UGT2B4: variants seen among roughly 807,000 people sequenced by gnomAD.
UGT2B4 encodes the protein UDP-glucuronosyltransferase 2B4.
A neutral mutation model predicts 49.8 loss-of-function variants in UGT2B4; 49 were observed. That is an observed-to-expected ratio of 0.98 (90% CI 0.78 to 1.25). The LOEUF (loss-of-function observed/expected upper bound fraction) is 1.25, where lower values mean the gene tolerates loss of function less well. UGT2B4 is among the 50% of genes most tolerant of loss of function. The pLI, the probability that UGT2B4 is intolerant of heterozygous loss-of-function variation, is 0.00. For missense variants in UGT2B4, 729 were observed against 627.7 expected (o/e 1.16, Z -1.73); for synonymous variants, 246 against 217.7 (o/e 1.13, Z -1.14).
rs1728147256 is a variant in UGT2B4, at chr4:69,495,849, A to G, written c.13T>C (p.Trp5Arg). The G allele has an allele frequency of 6.3e-7, 1 of 1,591,308 alleles. No homozygotes were observed. Among genetic ancestry groups the G allele is most frequent in the Non-Finnish European group, 8.5e-7 (1 of 1,172,086 alleles). Residue 5 changes from tryptophan (W) to arginine (R), a missense_variant, in exon 1 of 6, where the codon TGG becomes CGG. Coordinates refer to ENST00000305107, the MANE Select transcript of UGT2B4 (RefSeq NM_021139.3). Reference sequence around the variant, plus strand: ...TGTATCAGCAGAAGAGCTGAAGTCCATTTCATAGACATCCTGATGCAATGC... The same window carrying G: ...TGTATCAGCAGAAGAGCTGAAGTCCGTTTCATAGACATCCTGATGCAATGC... The part of the protein sequence containing the change: MSMK[W>R]TSALLLIQLS...
intron 1 of UGT2B4, among the ~76,000 whole-genome samples, chr4:69,509,722 T>A (rs1211129567): frequency 6.6e-6 from 1 of 152,334 alleles, no homozygotes; most frequent in East Asian, 1.9e-4. Context: ...TTTTTGTTAT[T>A]GTCACAGTTA....
intron 1 of UGT2B4, among the ~76,000 whole-genome samples, chr4:69,525,514 A>AT (rs937452909): frequency 1.3e-4 from 20 of 152,236 alleles, no homozygotes; most frequent in Admixed American, 6.5e-5. Context: ...TCAGAGCTTA[A>AT]TTTTTTAATA....
intron 2 of UGT2B4, among the ~76,000 whole-genome samples, chr4:69,491,116 T>A (rs1051919352): frequency 1.4e-4 from 22 of 152,256 alleles, no homozygotes; most frequent in South Asian, 2.1e-4. Flanking sequence ...TTGTTCTATC[T>A]TTATAGTTCA....
chr4:69,509,892 G>T (rs1728565675), intron 1 of UGT2B4, among the ~76,000 whole-genome samples: 1 of 150,718 alleles, frequency 6.6e-6, no homozygotes, highest in Admixed American at 6.6e-5. Context: ...TTGCTTTGTT[G>T]TCTGTGCTTT....
At chr4:69,508,186 A>G (rs1470785793) in intron 1 of UGT2B4, among the ~76,000 whole-genome samples, 1 of 151,956 alleles carries the variant, frequency 6.6e-6, no homozygotes, top group African/African-American at 2.4e-5. Context: ...ATTAAAAAAT[A>G]AAAAATAAAT....
chr4:69,498,193 T>A (rs887990482), upstream of UGT2B4, among the ~76,000 whole-genome samples: 2 of 152,250 alleles, frequency 1.3e-5, no homozygotes, highest in Admixed American at 1.3e-4. Context: ...TGACTCACTT[T>A]ATTGCATGTT....
intron 1 of UGT2B4, among the ~76,000 whole-genome samples, chr4:69,502,114 T>TTTCTTTCTTTCTTTCTTACTTTC (rs1728343229): frequency 1.1e-4 from 14 of 128,904 alleles, no homozygotes; most frequent in Non-Finnish European, 2.1e-4. Flanking sequence ...TCTTTCTTTC[T>TTTCTTTCTTTCTTTCTTACTTTC]TTCTTTCTTT....
chr4:69,509,170 ATTTTT>A (rs3075675), intron 1 of UGT2B4, among the ~76,000 whole-genome samples: 5 of 119,756 alleles, frequency 4.2e-5, no homozygotes, highest in African/African-American at 1.6e-4. Flanking sequence ...TGGAATTTCT[ATTTTT>A]TTTTTTTTTT....
In UGT2B4 at chr4:69,480,781, G is replaced by T. The variant is rs766863857; in HGVS notation, c.1440C>A (p.Ala480=). 6.2e-7 allele frequency: 1 copy of T among 1,613,910 alleles called. No individual in the cohort carries two copies. Among genetic ancestry groups the T allele is most frequent in the Admixed American group, 1.7e-5 (1 of 59,998 alleles). ...HKGAKHLRVA[A]HDLTWFQYHS... The stretch of plus-strand genomic sequence containing the variant: ...GGTACTGGAACCAGGTGAGGTCGTG[G>T]GCTGCAACCCGAAGGTGCTTGGCTC... Residue 480 remains alanine (A), a synonymous_variant, in exon 6 of 6, where the codon GCC becomes GCA. Transcript: ENST00000305107.
At chr4:69,517,074 C>T (rs1387719658) in intron 1 of UGT2B4, among the ~76,000 whole-genome samples, 1 of 151,800 alleles carries the variant, frequency 6.6e-6, no homozygotes, top group African/African-American at 2.4e-5. Flanking sequence ...TGTATGTGTT[C>T]TTTTGGGAAA....
At chr4:69,516,121 T>C (rs1246483722) in intron 1 of UGT2B4, among the ~76,000 whole-genome samples, 1 of 152,198 alleles carries the variant, frequency 6.6e-6, no homozygotes, top group Non-Finnish European at 1.5e-5. Flanking sequence ...AACATTAATT[T>C]GCTGAGGGTA....
chr4:69,495,727 T>C lies in UGT2B4; in HGVS notation c.135A>G (p.Glu45=). ...HWMNIKTILD[E]LVQRGHEVTV... ...TCACCTCATGACCTCTCTGGACAAG[T>C]TCATCCAGGATTGTCTTTATATTCA... The change falls in exon 1 of 6, where the codon GAA becomes GAG. Residue 45 remains glutamate (E), a synonymous_variant. Coordinates refer to ENST00000305107, the MANE Select transcript of UGT2B4 (RefSeq NM_021139.3). 6.2e-7 allele frequency: 1 copy of C among 1,614,058 alleles called. No individual in the cohort carries two copies. The highest frequency in any genetic ancestry group is 8.5e-7 in the Non-Finnish European group (1 of 1,179,954).
chr4:69,487,379 G>A (rs1444956080), intron 3 of UGT2B4, among the ~76,000 whole-genome samples: 1 of 152,132 alleles, frequency 6.6e-6, no homozygotes, highest in Non-Finnish European at 1.5e-5. Flanking sequence ...TAAAGAAAAT[G>A]TGGTACATGT....
Position 69,495,494 on chromosome 4 carries a change from A to T in UGT2B4, c.368T>A (p.Leu123His). 1 of 1,612,416 alleles carries T rather than the reference A, an allele frequency of 6.2e-7. No homozygotes were observed. Among genetic ancestry groups the T allele is most frequent in the Non-Finnish European group, 8.5e-7 (1 of 1,179,016 alleles). Residue 123 changes from leucine (L) to histidine (H), a missense_variant, in exon 1 of 6, where the codon CTT (leucine) becomes CAT (histidine). Coordinates refer to ENST00000305107, the MANE Select transcript of UGT2B4 (RefSeq NM_021139.3). ...QEIMWTFNDI[L>H]RKFCKDIVSN... The stretch of plus-strand genomic sequence containing the variant: ...AACTATATCCTTACAGAACTTTCTA[A>T]GTATGTCATTAAATGTCCACATGAT...
At chr4:69,493,381 C>A (rs1007415436) in intron 2 of UGT2B4, among the ~76,000 whole-genome samples, 10 of 152,040 alleles carry the variant, frequency 6.6e-5, no homozygotes, top group African/African-American at 2.2e-4. Context: ...CATACACGTA[C>A]CTGTGGTGTG....
intron 2 of UGT2B4, among the ~76,000 whole-genome samples, chr4:69,491,904 A>G (rs1727997978): frequency 6.6e-6 from 1 of 152,068 alleles, no homozygotes; most frequent in South Asian, 2.1e-4. Context: ...ACCATGGAAT[A>G]AAATATCAGT....
chr4:69,513,179 A>G (rs577694957), intron 1 of UGT2B4, among the ~76,000 whole-genome samples: 2 of 152,302 alleles, frequency 1.3e-5, no homozygotes, highest in East Asian at 3.9e-4. Flanking sequence ...CTTGAGCAGT[A>G]TTCCCTAGAT....
chr4:69,506,109 G>A (rs563842215), intron 1 of UGT2B4, among the ~76,000 whole-genome samples: 7 of 152,062 alleles, frequency 4.6e-5, no homozygotes, highest in Admixed American at 1.3e-4. Flanking sequence ...CTAAATGCCC[G>A]CATTGGAAAG....
At chr4:69,511,641 G>A (rs189190151) in intron 1 of UGT2B4, among the ~76,000 whole-genome samples, 235 of 151,878 alleles carry the variant, frequency 1.5e-3, no homozygotes, top group Middle Eastern at 0.01. Context: ...TATTTCTGTC[G>A]CGTGTTTGTC....
Sources: allele counts gnomAD v4.1 joint callset (sites outside exome capture counted in the v4.1 genomes callset), GRCh38; gene constraint gnomAD v4.1.1; transcripts MANE v1.5; gene names NCBI Gene and HGNC (gene_info 2026-07-23, HGNC 2026-07-21).